GTF3C1: variants seen among roughly 807,000 people sequenced by gnomAD.
The protein encoded by GTF3C1 is general transcription factor 3C polypeptide 1.
Under a neutral mutation model 226.7 loss-of-function variants are expected in GTF3C1, and 57 were observed. That is an observed-to-expected ratio of 0.25 (90% CI 0.20 to 0.31). GTF3C1 has a LOEUF of 0.31. Among genes scored for constraint, GTF3C1 ranks in the 10% least tolerant of loss-of-function variants. GTF3C1 has a pLI of 1.00. For missense variants in GTF3C1, 2,217 were observed against 2,776.1 expected (o/e 0.80, Z 4.53); for synonymous variants, 1,090 against 1,084.8 (o/e 1.00, Z -0.09).
chr16:27,492,605 G>C lies in GTF3C1; in HGVS notation c.2973+12C>G, dbSNP rs1384088584. Reference sequence around the variant, plus strand: ...ATCAGAATTTCCTTCGTTTGGGCTTGAGGGACATTACCTGATCTTTATCCT... The same window carrying C: ...ATCAGAATTTCCTTCGTTTGGGCTTCAGGGACATTACCTGATCTTTATCCT... On this transcript the variant is annotated intron_variant, in intron 18 of 36. Coordinates refer to ENST00000356183, the MANE Select transcript of GTF3C1 (RefSeq NM_001520.4). This position sits in a 1 kb window ranked among gnomAD's most constrained non-coding sequence, Gnocchi z 5.0. 8.3e-6 allele frequency: 13 copies of C among 1,565,184 alleles called. No individual in the cohort carries two copies. In the East Asian group the frequency reaches 2.5e-4, roughly 30 times the overall value.
At chr16:27,488,164 G>T in intron 23 of GTF3C1, 63 bp downstream of exon 23, 1 of 1,441,168 alleles carries the variant, frequency 6.9e-7, no homozygotes. Flanking sequence ...GAGTGAGGCT[G>T]TCGCACATCT....
In GTF3C1 at chr16:27,469,582, C is replaced by CAT; in HGVS notation, c.4815-34_4815-33dup. 1 of 1,588,858 alleles carries CAT rather than the reference C, an allele frequency of 6.3e-7. No homozygotes were observed. The highest frequency in any genetic ancestry group is 8.6e-7 in the Non-Finnish European group (1 of 1,162,170). On this transcript the variant is annotated intron_variant, in intron 31 of 36. Transcript: ENST00000356183. This position sits in a 1 kb window ranked among gnomAD's most constrained non-coding sequence, Gnocchi z 4.5. ...GGGAATTGTGACCTGGATACCTGAG[C>CAT]ATAGGCCAGCCAGTTGCTACTGCAG...
chr16:27,475,855 G>C (rs2087943520), intron 29 of GTF3C1, among the ~76,000 whole-genome samples: 1 of 152,168 alleles, frequency 6.6e-6, no homozygotes, highest in Admixed American at 6.5e-5. Flanking sequence ...ATGCCGTATA[G>C]CTCAATTACT....
At position 27,469,658 on chromosome 16, in the gene GTF3C1, C is replaced by T; in HGVS notation, c.4815-108G>A. 8.3e-7 allele frequency: 1 copy of T among 1,201,586 alleles called. No individual in the cohort carries two copies. Among genetic ancestry groups the T allele is most frequent in the Non-Finnish European group, 1.2e-6 (1 of 841,830 alleles). The allele number at this position is 1,201,586 out of a possible 1,614,324, so 74.4% of individuals were successfully genotyped here. A position where few individuals can be genotyped will look rare whatever the true frequency, so the allele number is the denominator to read the frequency against. On this transcript the variant is annotated intron_variant, in intron 31 of 36. Transcript: ENST00000356183. This position sits in a 1 kb window ranked among gnomAD's most constrained non-coding sequence, Gnocchi z 4.5. ...TGTGGCTGGGCTTCAGCAGTGGCCC[C>T]AGCAACTGGCTATGCTTCATTACCA... is the stretch of plus-strand genomic sequence containing the variant.
rs1239184500 is a variant in GTF3C1 at position 27,461,762 on chromosome 16, A to T, written c.6118-200T>A. On this transcript the variant is annotated intron_variant, in intron 36 of 36. Transcript: ENST00000356183. This position sits in a 1 kb window ranked among gnomAD's most constrained non-coding sequence, Gnocchi z 5.3. Reference sequence around the variant, plus strand: ...CCCTGGTGGGAGAGGCAGCTGCCTGAGCAGCACGTGTACAGCGCTGGCTGG... The same window carrying T: ...CCCTGGTGGGAGAGGCAGCTGCCTGTGCAGCACGTGTACAGCGCTGGCTGG... The T allele has an allele frequency of 5.0e-6, 3 of 595,636 alleles. No individual in the cohort carries two copies. In the African/African-American group the frequency reaches 5.6e-5, roughly 11 times the overall value. 36.9% of individuals were successfully genotyped at this position (595,636 alleles called of 1,614,324 possible).
intron 6 of GTF3C1, among the ~76,000 whole-genome samples, chr16:27,522,473 G>A (rs2141428716): frequency 6.6e-6 from 1 of 152,356 alleles, no homozygotes; most frequent in East Asian, 1.9e-4. Flanking sequence ...GTCTACCCTT[G>A]TGCCAGTATC....
chr16:27,531,771 C>T (rs1294366759), intron 5 of GTF3C1, among the ~76,000 whole-genome samples: 1 of 152,140 alleles, frequency 6.6e-6, no homozygotes, highest in Non-Finnish European at 1.5e-5. Context: ...TTTCAATCTC[C>T]AGAGTCTGCA....
intron 29 of GTF3C1, among the ~76,000 whole-genome samples, chr16:27,475,615 C>T (rs1189859129): frequency 6.6e-6 from 1 of 152,042 alleles, no homozygotes; most frequent in African/African-American, 2.4e-5. Flanking sequence ...ACCTCAAGTG[C>T]CCACATTTGT....
At chr16:27,534,093 A>G (rs181895941) in intron 4 of GTF3C1, among the ~76,000 whole-genome samples, 10 of 152,302 alleles carry the variant, frequency 6.6e-5, no homozygotes, top group Admixed American at 5.2e-4. Flanking sequence ...CAGGCTGGAG[A>G]CACAAACCTA....
intron 2 of GTF3C1, among the ~76,000 whole-genome samples, chr16:27,542,376 C>T (rs1031804176): frequency 2.0e-5 from 3 of 152,060 alleles, no homozygotes; most frequent in East Asian, 1.9e-4. Flanking sequence ...GTCTGGTCAA[C>T]GCAGTGAAAC....
chr16:27,490,457 C>T (rs2088216504), intron 19 of GTF3C1, among the ~76,000 whole-genome samples: 2 of 152,140 alleles, frequency 1.3e-5, no homozygotes, highest in South Asian at 4.1e-4. Flanking sequence ...GCAGTGGGAG[C>T]TCAGGGCCTC....
chr16:27,498,718 G>T lies in GTF3C1; in HGVS notation c.2077C>A (p.His693Asn). Reference sequence around the variant, plus strand: ...GGGTCGTTCTGGTCCATGGACGGGTGCACCACCAGATCCACCTGGAGAGAG... The same window carrying T: ...GGGTCGTTCTGGTCCATGGACGGGTTCACCACCAGATCCACCTGGAGAGAG... ...GIKKKVDLVV[H>N]PSMDQNDPLV... The change falls in exon 13 of 37, where the codon CAC becomes AAC. Residue 693 changes from histidine to asparagine, a missense_variant. Physicochemically the swap from His to Asn is moderately conservative, Grantham distance 68 (BLOSUM62 1). Transcript: ENST00000356183. 1 of 1,578,408 alleles carries T rather than the reference G, an allele frequency of 6.3e-7. No individual in the cohort carries two copies. Among genetic ancestry groups the T allele is most frequent in the Non-Finnish European group, 8.7e-7 (1 of 1,147,386 alleles).
At chr16:27,548,193 T>A (rs2089192132) in intron 1 of GTF3C1, among the ~76,000 whole-genome samples, 1 of 152,182 alleles carries the variant, frequency 6.6e-6, no homozygotes, top group Non-Finnish European at 1.5e-5. Flanking sequence ...TTACTTCACA[T>A]TTGCTGTTCT....
At chr16:27,487,242 G>A (rs1158270494) in intron 23 of GTF3C1, among the ~76,000 whole-genome samples, 1 of 152,188 alleles carries the variant, frequency 6.6e-6, no homozygotes. Context: ...TTCAACTGAT[G>A]GAATGCTATT....
At chr16:27,545,577 T>C in intron 1 of GTF3C1, 54 bp from the exon 2 acceptor site, 1 of 1,019,458 alleles carries the variant, frequency 9.8e-7, no homozygotes, top group Non-Finnish European at 1.5e-6. Flanking sequence ...ATATAATGTG[T>C]GCTTGGCTGT....
At chr16:27,536,331 G>A (rs545247110) in intron 4 of GTF3C1, among the ~76,000 whole-genome samples, 87 of 152,302 alleles carry the variant, frequency 5.7e-4, no homozygotes, top group African/African-American at 1.9e-3. Context: ...GGTGGCTGAC[G>A]CCTGTAATCC....
chr16:27,547,225 C>T (rs1941330287), intron 1 of GTF3C1, among the ~76,000 whole-genome samples: 3 of 152,270 alleles, frequency 2.0e-5, no homozygotes, highest in Admixed American at 1.3e-4. Context: ...AACCACACTA[C>T]ACTCTCTCTT....
At chr16:27,499,961 T>C (rs1295306398) in intron 12 of GTF3C1, among the ~76,000 whole-genome samples, 1 of 152,178 alleles carries the variant, frequency 6.6e-6, no homozygotes, top group Non-Finnish European at 1.5e-5. Context: ...AAAAACCAGC[T>C]ACTGTAGTGG....
At position 27,462,525 on chromosome 16, in the gene GTF3C1, C is replaced by T; in HGVS notation, c.5925-39G>A. On this transcript the variant is annotated intron_variant, in intron 35 of 36. Transcript: ENST00000356183. This position sits in a 1 kb window ranked among gnomAD's most constrained non-coding sequence, Gnocchi z 4.5. ...GCTTGACATCAGGGCTTGGTGGGGGCAGGAGGGCAGCTCGTCCAGACAGAA... is the reference window on the plus strand; with the variant it reads ...GCTTGACATCAGGGCTTGGTGGGGGTAGGAGGGCAGCTCGTCCAGACAGAA... 6.6e-7 allele frequency: 1 copy of T among 1,519,816 alleles called. No individual in the cohort carries two copies. The highest frequency in any genetic ancestry group is 9.1e-7 in the Non-Finnish European group (1 of 1,098,092). 94.1% of individuals were successfully genotyped at this position (1,519,816 alleles called of 1,614,324 possible).
Sources: allele counts gnomAD v4.1 joint callset (sites outside exome capture counted in the v4.1 genomes callset), GRCh38; gene constraint gnomAD v4.1.1; non-coding constraint Gnocchi (gnomAD v3.1); transcripts MANE v1.5; gene names NCBI Gene and HGNC (gene_info 2026-07-23, HGNC 2026-07-21).